Variants in FHIT observed in about 807,000 individuals in gnomAD.
The protein encoded by FHIT is bis(5'-adenosyl)-triphosphatase.
In FHIT, 19 loss-of-function variants were observed where a neutral mutation model predicts 17.9. The observed-to-expected ratio is 1.06, with a 90% CI of 0.74 to 1.56. The LOEUF is 1.56. Ranked by LOEUF, FHIT falls within the 40% of genes most tolerant of loss-of-function variation. FHIT has a pLI of 0.00. For missense variants in FHIT, 248 were observed against 189.2 expected (o/e 1.31, Z -1.82); for synonymous variants, 81 against 69.7 (o/e 1.16, Z -0.81).
intron 5 of FHIT, among the ~76,000 whole-genome samples, chr3:60,077,739 G>T (rs9814255): frequency 0.022 from 1,474 of 68,362 alleles, 35 homozygotes; most frequent in African/African-American, 0.057. Flanking sequence ...CATATATAGA[G>T]GGGGGGGGGA....
intron 4 of FHIT, among the ~76,000 whole-genome samples, chr3:60,603,719 G>A: frequency 6.6e-6 from 1 of 151,992 alleles, no homozygotes; most frequent in South Asian, 2.1e-4. Context: ...TCTGGGTAAG[G>A]CATCATTGTG....
At chr3:60,275,628 TAC>T (rs146364506) in intron 5 of FHIT, among the ~76,000 whole-genome samples, 7 of 149,562 alleles carry the variant, frequency 4.7e-5, no homozygotes, top group South Asian at 2.1e-4. Context: ...GTCAATGCCA[TAC>T]ACACACACAC....
intron 7 of FHIT, among the ~76,000 whole-genome samples, chr3:59,987,151 A>G (rs1350432154): frequency 6.9e-6 from 1 of 145,056 alleles, no homozygotes; most frequent in Non-Finnish European, 1.5e-5. Flanking sequence ...TATATAAATA[A>G]TATAGACATA....
At chr3:60,860,200 TGTATATATG>T (rs1267734045) in intron 3 of FHIT, among the ~76,000 whole-genome samples, 26 of 144,280 alleles carry the variant, frequency 1.8e-4, no homozygotes, top group South Asian at 1.3e-3. Context: ...ATACATCATA[TGTATATATG>T]GTATACATGA....
chr3:60,980,556 T>TCATA (rs1710451505), intron 3 of FHIT, among the ~76,000 whole-genome samples: 1 of 152,182 alleles, frequency 6.6e-6, no homozygotes, highest in Non-Finnish European at 1.5e-5. Flanking sequence ...CTCTGCCTAC[T>TCATA]CATAACTCCC....
chr3:60,290,927 A>C (rs1707955293), intron 5 of FHIT, among the ~76,000 whole-genome samples: 1 of 152,152 alleles, frequency 6.6e-6, no homozygotes, highest in Non-Finnish European at 1.5e-5. Context: ...TGGGGGCTGG[A>C]GGAGTGAAGT....
At chr3:61,100,065 C>CT (rs1432518845) in intron 2 of FHIT, among the ~76,000 whole-genome samples, 1 of 151,584 alleles carries the variant, frequency 6.6e-6, no homozygotes. Context: ...AGCATCTTTT[C>CT]TTTTTTTTAT....
intron 7 of FHIT, among the ~76,000 whole-genome samples, chr3:59,972,259 T>C (rs1708219596): frequency 6.6e-6 from 1 of 152,068 alleles, no homozygotes; most frequent in South Asian, 2.1e-4. Context: ...AGAGGCTTGA[T>C]AAGCCCTGAA....
intron 5 of FHIT, among the ~76,000 whole-genome samples, chr3:60,074,502 T>C (rs1293716615): frequency 1.3e-5 from 2 of 151,734 alleles, no homozygotes; most frequent in Non-Finnish European, 2.9e-5. Context: ...GCTTATTCAT[T>C]CATTCATTCA....
intron 5 of FHIT, among the ~76,000 whole-genome samples, chr3:60,452,161 C>T (rs1181733546): frequency 3.3e-5 from 5 of 152,174 alleles, no homozygotes; most frequent in African/African-American, 4.8e-5. Context: ...TCAGGCCCTG[C>T]ATAAATCAAT....
Position 60,599,830 on chromosome 3 carries a change from T to C in FHIT, c.-17-62851A>G, listed in dbSNP as rs188439816. Among the ~76,000 whole-genome samples, 124 of 152,182 alleles carry C rather than the reference T, an allele frequency of 8.1e-4. 1 individual carries two copies. Among genetic ancestry groups the C allele is most frequent in the African/African-American group, 2.7e-3 (114 of 41,520 alleles). On this transcript the variant is annotated intron_variant, in intron 4 of 9. Transcript: ENST00000492590. ...CGTTCTTGCCCATCTAAACTCCCTT[T>C]CTTTAGGGCAGGAGTTCTTGACCTC...
intron 5 of FHIT, among the ~76,000 whole-genome samples, chr3:60,260,182 A>G (rs1358849796): frequency 1.3e-5 from 2 of 152,052 alleles, no homozygotes; most frequent in Non-Finnish European, 2.9e-5. Flanking sequence ...TAGCAAAACC[A>G]TCCTTCCAGT....
chr3:60,944,239 G>C (rs375714055), intron 3 of FHIT, among the ~76,000 whole-genome samples: 2 of 152,146 alleles, frequency 1.3e-5, no homozygotes, highest in African/African-American at 4.8e-5. Flanking sequence ...ATATGCTTTA[G>C]GTTTTTATGG....
chr3:60,138,805 T>C (rs1366858894), intron 5 of FHIT, among the ~76,000 whole-genome samples: 3 of 151,970 alleles, frequency 2.0e-5, no homozygotes, highest in Non-Finnish European at 4.4e-5. Context: ...TCTGCCACCA[T>C]CAGAAAGGCA....
chr3:60,020,678 T>C (rs946959282), intron 5 of FHIT, among the ~76,000 whole-genome samples: 1 of 152,242 alleles, frequency 6.6e-6, no homozygotes, highest in African/African-American at 2.4e-5. Context: ...TATAATTCAT[T>C]ATTTGCTCTA....
chr3:61,002,358 G>C (rs2031150237), intron 3 of FHIT, among the ~76,000 whole-genome samples: 1 of 152,180 alleles, frequency 6.6e-6, no homozygotes, highest in Admixed American at 6.5e-5. Context: ...AATCTCCTGG[G>C]TTCAAGCAGT....
chr3:59,875,446 G>T (rs890363442), intron 8 of FHIT, among the ~76,000 whole-genome samples: 1 of 152,178 alleles, frequency 6.6e-6, no homozygotes, highest in Non-Finnish European at 1.5e-5. Flanking sequence ...CAAGACTCTT[G>T]TCTGATACCA....
Position 60,906,733 on chromosome 3 carries a change from T to C in FHIT, c.-110-84722A>G, listed in dbSNP as rs574600953. Among the ~76,000 whole-genome samples, 4 of 152,348 alleles carry C rather than the reference T, an allele frequency of 2.6e-5. No homozygotes were observed. In the South Asian group the frequency reaches 6.2e-4, roughly 24 times the overall value. ...TAAGGAGCTAAGTATAGTTATATCA[T>C]TTTGTGGAACTTCATTGAGCTGTGT... On this transcript the variant is annotated intron_variant, in intron 3 of 9. Transcript: ENST00000492590.
intron 2 of FHIT, among the ~76,000 whole-genome samples, chr3:61,127,151 T>G (rs2106942522): frequency 6.6e-6 from 1 of 152,252 alleles, no homozygotes; most frequent in African/African-American, 2.4e-5. Flanking sequence ...TTGACTTCGG[T>G]ACTGAGAATC....
Sources: gnomAD v4.1 joint callset for allele counts (sites outside exome capture counted in the v4.1 genomes callset) on GRCh38, gnomAD v4.1.1 for gene constraint, MANE v1.5 for transcripts, NCBI Gene and HGNC (gene_info 2026-07-23, HGNC 2026-07-21) for gene names.